Variants in REC114 observed in about 807,000 individuals in gnomAD.
REC114 encodes the protein meiotic recombination protein REC114.
REC114 carries 27 observed loss-of-function variants against 31.3 expected under a neutral mutation model. That is an observed-to-expected ratio of 0.86 (90% CI 0.64 to 1.19). The LOEUF is 1.19. Among genes scored for constraint, REC114 ranks in the 50% most tolerant of loss-of-function variants. The pLI, the probability that REC114 is intolerant of heterozygous loss-of-function variation, is 0.00. For missense variants in REC114, 344 were observed against 326.9 expected (o/e 1.05, Z -0.40); for synonymous variants, 134 against 127.7 (o/e 1.05, Z -0.33).
intron 1 of REC114, among the ~76,000 whole-genome samples, chr15:73,456,576 G>A (rs1386021507): frequency 6.6e-6 from 1 of 152,098 alleles, no homozygotes; most frequent in Non-Finnish European, 1.5e-5. Context: ...ATGTTTGAAT[G>A]TATGGTGTGG....
chr15:73,471,679 C>A (rs555159090), intron 1 of REC114, among the ~76,000 whole-genome samples: 51 of 151,994 alleles, frequency 3.4e-4, no homozygotes, highest in African/African-American at 1.2e-3. Flanking sequence ...AAATAGAAAT[C>A]TTTATAGTGA....
chr15:73,494,433 A>C (rs376837576), intron 2 of REC114, among the ~76,000 whole-genome samples: 12 of 151,464 alleles, frequency 7.9e-5, no homozygotes, highest in African/African-American at 2.7e-4. Context: ...TGGAGGTTGC[A>C]GTGAGCCTAG....
chr15:73,535,763 TG>T lies in REC114; in HGVS notation c.250-4721del, dbSNP rs1478914454. Among the ~76,000 whole-genome samples, 20 of 149,622 alleles carry T rather than the reference TG, an allele frequency of 1.3e-4. No individual in the cohort carries two copies. The South Asian group carries it at 4.1e-3, about 31-fold the overall frequency. ...ACAAAGCTGGAGGCATCACACTACC[TG>T]ACTTCAAACTATACTACAAGGCTAC... is the stretch of plus-strand genomic sequence containing the variant. On this transcript the variant is annotated intron_variant, in intron 2 of 5. Coordinates refer to ENST00000331090, the MANE Select transcript of REC114 (RefSeq NM_001042367.2).
chr15:73,471,502 T>C (rs1426095328), intron 1 of REC114, among the ~76,000 whole-genome samples: 1 of 152,144 alleles, frequency 6.6e-6, no homozygotes, highest in African/African-American at 2.4e-5. Context: ...ATGAGAAGGT[T>C]AGGAGTTCAA....
chr15:73,542,978 C>T (rs1894260649), intron 3 of REC114, among the ~76,000 whole-genome samples: 1 of 149,630 alleles, frequency 6.7e-6, no homozygotes, highest in Non-Finnish European at 1.5e-5. Context: ...AATTTGCCCT[C>T]CCGATAGGTT....
In REC114 at chr15:73,539,448, G is replaced by A. The variant is rs1226062102; in HGVS notation, c.250-1037G>A. ...TAGGACTACAGGCACCTGCCACCACGCCCGGCTACTTTTTTTTTTTTTTTT... is the reference window on the plus strand; with the variant it reads ...TAGGACTACAGGCACCTGCCACCACACCCGGCTACTTTTTTTTTTTTTTTT... On this transcript the variant is annotated intron_variant, in intron 2 of 5. Transcript: ENST00000331090. Among the ~76,000 whole-genome samples the A allele has an allele frequency of 3.6e-5, 5 of 137,194 alleles. No homozygotes were observed. In the East Asian group the frequency reaches 8.6e-4, roughly 24 times the overall value. The allele number at this position is 137,194 out of a possible 152,430, so 90.0% of individuals were successfully genotyped here.
intron 2 of REC114, among the ~76,000 whole-genome samples, chr15:73,475,400 A>G (rs1209416362): frequency 6.6e-6 from 1 of 152,224 alleles, no homozygotes; most frequent in Non-Finnish European, 1.5e-5. Flanking sequence ...CACAGATATG[A>G]TAGTGATCCC....
chr15:73,526,080 G>A (rs1385040665), intron 2 of REC114, among the ~76,000 whole-genome samples: 1 of 152,114 alleles, frequency 6.6e-6, no homozygotes, highest in East Asian at 1.9e-4. Flanking sequence ...ATAATGAGAT[G>A]TTCCTTTTTA....
rs558539164 is a variant in REC114 at position 73,452,880 on chromosome 15, GA to G, written c.159+9540del. Among the ~76,000 whole-genome samples, 1,132 of 152,276 alleles carry G rather than the reference GA, an allele frequency of 7.4e-3. 4 individuals are homozygous for G. Among genetic ancestry groups the G allele is most frequent in the Admixed American group, 0.013 (197 of 15,300 alleles). On this transcript the variant is annotated intron_variant, in intron 1 of 5. Coordinates refer to ENST00000331090, the MANE Select transcript of REC114 (RefSeq NM_001042367.2). The stretch of plus-strand genomic sequence containing the variant: ...CAAACCTGACAAAAACAAGCAATGG[GA>G]AAAGGATTCCCTATTTAATAAATGG...
At chr15:73,486,381 C>T (rs1212873374) in intron 2 of REC114, among the ~76,000 whole-genome samples, 1 of 152,158 alleles carries the variant, frequency 6.6e-6, no homozygotes, top group East Asian at 1.9e-4. Flanking sequence ...CAGGCATGAG[C>T]CACTGTACCC....
At chr15:73,535,868 A>G (rs1393052390) in intron 2 of REC114, among the ~76,000 whole-genome samples, 3 of 151,834 alleles carry the variant, frequency 2.0e-5, no homozygotes, top group South Asian at 2.1e-4. Context: ...CAGAGATAAC[A>G]CCGCATATCT....
intron 1 of REC114, among the ~76,000 whole-genome samples, chr15:73,446,125 T>C (rs1264359617): frequency 6.6e-6 from 1 of 152,206 alleles, no homozygotes; most frequent in Non-Finnish European, 1.5e-5. Context: ...GCCTAGTATA[T>C]ATTAAGTTAG....
intron 1 of REC114, among the ~76,000 whole-genome samples, chr15:73,455,485 C>G (rs980551221): frequency 6.6e-6 from 1 of 151,894 alleles, no homozygotes; most frequent in Non-Finnish European, 1.5e-5. Flanking sequence ...CACAATGGCT[C>G]TATATGCTGA....
At chr15:73,553,849 T>A in intron 4 of REC114, among the ~76,000 whole-genome samples, 1 of 152,206 alleles carries the variant, frequency 6.6e-6, no homozygotes, top group Non-Finnish European at 1.5e-5. Flanking sequence ...TAAGATAGCA[T>A]GATGTTGTGC....
intron 2 of REC114, among the ~76,000 whole-genome samples, chr15:73,517,905 G>C (rs1893883003): frequency 6.6e-6 from 1 of 152,174 alleles, no homozygotes; most frequent in Non-Finnish European, 1.5e-5. Context: ...AAGAGAATAA[G>C]ATCAGAGTAG....
chr15:73,466,550 G>C (rs996022152), intron 1 of REC114, among the ~76,000 whole-genome samples: 3 of 151,786 alleles, frequency 2.0e-5, no homozygotes, highest in African/African-American at 7.3e-5. Context: ...CAAGACTCCC[G>C]CTGGGGGAAG....
At chr15:73,509,282 T>C (rs1468322706) in intron 2 of REC114, among the ~76,000 whole-genome samples, 3 of 140,344 alleles carry the variant, frequency 2.1e-5, no homozygotes, top group Non-Finnish European at 4.5e-5. Context: ...ACCCACTTTT[T>C]GATGGGGTTG....
intron 1 of REC114, among the ~76,000 whole-genome samples, chr15:73,447,297 A>G (rs1366988401): frequency 6.6e-6 from 1 of 152,196 alleles, no homozygotes; most frequent in Non-Finnish European, 1.5e-5. Flanking sequence ...TAAAGGTGTG[A>G]GTCATCAGCA....
intron 1 of REC114, among the ~76,000 whole-genome samples, chr15:73,469,390 A>G (rs1893103293): frequency 6.6e-6 from 1 of 152,132 alleles, no homozygotes; most frequent in Admixed American, 6.6e-5. Context: ...TCTAATATTA[A>G]TAAAACCACT....
Sources: gnomAD v4.1 joint callset for allele counts (sites outside exome capture counted in the v4.1 genomes callset) on GRCh38, gnomAD v4.1.1 for gene constraint, MANE v1.5 for transcripts, NCBI Gene and HGNC (gene_info 2026-07-23, HGNC 2026-07-21) for gene names.